The following COL4A5 variants were observed in gnomAD, a reference collection of about 807,000 sequenced individuals.
COL4A5 encodes the protein collagen type IV alpha 5 chain.
A neutral mutation model predicts 130.2 loss-of-function variants in COL4A5; 26 were observed. The ratio of observed to expected loss-of-function variants is 0.20; its 90% confidence interval spans 0.15 to 0.28. The LOEUF (loss-of-function observed/expected upper bound fraction) is 0.28. COL4A5 is among the 10% of genes least tolerant of loss of function. The probability of loss-of-function intolerance (pLI) is 1.00; values close to 1 mark genes in which losing one functional copy is unlikely to be tolerated. For missense variants in COL4A5, 1,131 were observed against 1,344.3 expected (o/e 0.84, Z 2.48); for synonymous variants, 496 against 439.6 (o/e 1.13, Z -1.60).
chrX:108,622,561 A>G (rs1916034928), intron 32 of COL4A5, 115 bp from the exon 33 acceptor site: 1 of 762,802 alleles, frequency 1.3e-6, no homozygotes, highest in African/African-American at 2.0e-5. Flanking sequence ...AGGTGCATAA[A>G]TGTTTTGAGT....
chrX:108,577,189 G>A (rs2066164110), intron 10 of COL4A5, among the ~76,000 whole-genome samples: 1 of 107,981 alleles, frequency 9.3e-6, no homozygotes, highest in African/African-American at 3.4e-5. Context: ...TGACCAATAT[G>A]GAGAAACCCC....
intron 1 of COL4A5, among the ~76,000 whole-genome samples, chrX:108,477,173 G>T (rs1200947981): frequency 9.0e-6 from 1 of 111,657 alleles, no homozygotes; most frequent in Admixed American, 9.5e-5. Flanking sequence ...TCAGAGACAC[G>T]CCTAGGAGCA....
chrX:108,521,039 T>C (rs1364470738), intron 1 of COL4A5, among the ~76,000 whole-genome samples: 1 of 111,829 alleles, frequency 8.9e-6, no homozygotes, highest in Non-Finnish European at 1.9e-5. Flanking sequence ...TAAAAGTAAG[T>C]TGCAGAAATC....
At chrX:108,535,064 T>G (rs2065437663) in intron 1 of COL4A5, among the ~76,000 whole-genome samples, 1 of 111,322 alleles carries the variant, frequency 9.0e-6, no homozygotes, top group African/African-American at 3.3e-5. Context: ...GTCTTTTAAC[T>G]TTATACTGTC....
At chrX:108,611,745 T>A (rs1372144725) in intron 29 of COL4A5, among the ~76,000 whole-genome samples, 1 of 110,772 alleles carries the variant, frequency 9.0e-6, no homozygotes, top group Non-Finnish European at 1.9e-5. Flanking sequence ...TAACACCAAT[T>A]CTACACAATC....
intron 1 of COL4A5, among the ~76,000 whole-genome samples, chrX:108,537,564 G>T (rs1212405011): frequency 1.8e-5 from 2 of 111,543 alleles, no homozygotes; most frequent in African/African-American, 6.5e-5. Flanking sequence ...ATAGAAACTT[G>T]TTCATATCAA....
At chrX:108,560,600 G>T (rs191224475) in intron 3 of COL4A5, among the ~76,000 whole-genome samples, 4 of 112,850 alleles carry the variant, frequency 3.5e-5, no homozygotes, top group African/African-American at 1.3e-4. Context: ...CTGAATAACC[G>T]GAGTCTATCT....
intron 1 of COL4A5, among the ~76,000 whole-genome samples, chrX:108,471,655 C>T (rs1454764114): frequency 9.0e-6 from 1 of 111,430 alleles, no homozygotes; most frequent in Non-Finnish European, 1.9e-5. Context: ...ATTGCTCTGC[C>T]TAGGACTTCA....
chrX:108,580,039 G>A (rs1473655055), intron 13 of COL4A5, among the ~76,000 whole-genome samples: 2 of 111,331 alleles, frequency 1.8e-5, no homozygotes, highest in Non-Finnish European at 3.8e-5. Flanking sequence ...TACTACATGA[G>A]TATTCAGTTC....
intron 19 of COL4A5, among the ~76,000 whole-genome samples, chrX:108,588,645 C>T (rs1351148185): frequency 9.0e-6 from 1 of 110,501 alleles, no homozygotes. Flanking sequence ...ACACATGCAT[C>T]ACTATGAAAA....
At chrX:108,549,097 C>G (rs1218382891) in intron 2 of COL4A5, among the ~76,000 whole-genome samples, 1 of 111,528 alleles carries the variant, frequency 9.0e-6, no homozygotes, top group Non-Finnish European at 1.9e-5. Context: ...CTCTTTTCCT[C>G]TATTTATTTA....
At chrX:108,533,879 T>G (rs888962169) in intron 1 of COL4A5, among the ~76,000 whole-genome samples, 2 of 110,978 alleles carry the variant, frequency 1.8e-5, no homozygotes, top group Non-Finnish European at 3.8e-5. Context: ...CCGTTTAAAG[T>G]AAGCAAAAGA....
intron 29 of COL4A5, among the ~76,000 whole-genome samples, chrX:108,613,865 A>G (rs1334712463): frequency 8.9e-6 from 1 of 112,047 alleles, no homozygotes; most frequent in Non-Finnish European, 1.9e-5. Flanking sequence ...AGCCACTTTG[A>G]AAAACAGTTT....
intron 1 of COL4A5, among the ~76,000 whole-genome samples, chrX:108,520,530 T>C (rs1360299506): frequency 9.0e-6 from 1 of 111,601 alleles, no homozygotes; most frequent in Non-Finnish European, 1.9e-5. Flanking sequence ...TTTATTTCAA[T>C]TTGTTTATTT....
intron 36 of COL4A5, among the ~76,000 whole-genome samples, chrX:108,638,708 TAAAC>T (rs1298528927): frequency 1.8e-5 from 2 of 111,965 alleles, no homozygotes; most frequent in Admixed American, 9.5e-5. Flanking sequence ...GTAGAACTAA[TAAAC>T]AAATTCAGCA....
At chrX:108,693,612 T>C (rs1477729958) in intron 50 of COL4A5, 2 of 113,018 alleles carry the variant, frequency 1.8e-5, no homozygotes, top group African/African-American at 6.5e-5. Flanking sequence ...AAAGGGATAG[T>C]CTCGAGGTAG....
chrX:108,484,125 A>C (rs1345665869), intron 1 of COL4A5, among the ~76,000 whole-genome samples: 1 of 111,690 alleles, frequency 9.0e-6, no homozygotes, highest in South Asian at 3.7e-4. Flanking sequence ...TTTAATTTCA[A>C]TATGTCAATT....
At chrX:108,646,683 A>G (rs1252256581) in intron 36 of COL4A5, among the ~76,000 whole-genome samples, 1 of 111,776 alleles carries the variant, frequency 8.9e-6, no homozygotes, top group African/African-American at 3.3e-5. Context: ...AGTATTGCCT[A>G]GGTTTTCTTC....
intron 50 of COL4A5, chrX:108,694,045 A>ATGTGTGTGTG (rs57352606): frequency 1.6e-5 from 1 of 61,214 alleles, no homozygotes; most frequent in Non-Finnish European, 3.0e-5. Context: ...ATTTGGGTGT[A>ATGTGTGTGTG]TGTGTGTGTG....
Sources: gnomAD v4.1 joint callset for allele counts (sites outside exome capture counted in the v4.1 genomes callset) on GRCh38, gnomAD v4.1.1 for gene constraint, MANE v1.5 for transcripts, NCBI Gene and HGNC (gene_info 2026-07-23, HGNC 2026-07-21) for gene names.